Variants in PPP2R2C observed in about 807,000 individuals in gnomAD.
PPP2R2C encodes protein phosphatase 2 regulatory subunit Bgamma, also known as protein phosphatase 2, regulatory subunit B, gamma.
PPP2R2C carries 10 observed loss-of-function variants against 45.3 expected under a neutral mutation model. The ratio of observed to expected loss-of-function variants is 0.22; its 90% confidence interval spans 0.14 to 0.37. The LOEUF is 0.37. Among genes scored for constraint, PPP2R2C ranks in the 10% least tolerant of loss-of-function variants. The probability of loss-of-function intolerance (pLI) is 1.00; values close to 1 mark genes in which losing one functional copy is unlikely to be tolerated. For missense variants in PPP2R2C, 308 were observed against 619.7 expected, an observed-to-expected ratio of 0.50 and a Z score of 5.34; for synonymous variants, 257 against 245.4, an observed-to-expected ratio of 1.05 and a Z score of -0.44.
chr4:6,532,489 G>A (rs73209721), intron 2 of PPP2R2C, among the ~76,000 whole-genome samples: 203 of 152,328 alleles, frequency 1.3e-3, no homozygotes, highest in Non-Finnish European at 2.4e-3. Context: ...CAGAACTCAT[G>A]GGCAGCAGCA....
intron 1 of PPP2R2C, among the ~76,000 whole-genome samples, chr4:6,432,932 GACA>G (rs1719704728): frequency 6.6e-6 from 1 of 152,048 alleles, no homozygotes; most frequent in Admixed American, 6.5e-5. Flanking sequence ...TCAACATGAA[GACA>G]ACGAGGATAA....
At position 6,559,899 on chromosome 4, in the gene PPP2R2C, G is replaced by A. The variant is rs541681352; in HGVS notation, c.-59+3661C>T. ...GGTGTTTTGTTACGGCAGCCCCAAC[G>A]GACTAAGACAGCTCCCTTCCTGAAC... On this transcript the variant is annotated intron_variant, in intron 1 of 9. Coordinates refer to the PPP2R2C transcript ENST00000506140. 7.2e-5 allele frequency among the ~76,000 whole-genome samples: 11 copies of A among 152,324 alleles called. No individual in the cohort carries two copies. In the South Asian group the frequency reaches 1.7e-3, roughly 23 times the overall value.
intron 2 of PPP2R2C, among the ~76,000 whole-genome samples, chr4:6,496,355 T>C (rs531326465): frequency 2.0e-5 from 3 of 152,192 alleles, no homozygotes; most frequent in Non-Finnish European, 4.4e-5. Context: ...AGCCCAGGCC[T>C]CTGAGGATGG....
At chr4:6,464,916 G>A (rs557798004) in intron 1 of PPP2R2C, among the ~76,000 whole-genome samples, 2 of 134,800 alleles carry the variant, frequency 1.5e-5, no homozygotes, top group South Asian at 5.7e-4. Flanking sequence ...AGGAAGGGAG[G>A]AAGGGAGGGA....
intron 5 of PPP2R2C, among the ~76,000 whole-genome samples, chr4:6,365,855 G>A (rs372814277): frequency 1.2e-4 from 19 of 152,310 alleles, no homozygotes; most frequent in Admixed American, 5.9e-4. Flanking sequence ...CAATCGAACC[G>A]TCTTTTAAAT....
intron 1 of PPP2R2C, among the ~76,000 whole-genome samples, chr4:6,446,332 C>G (rs536915684): frequency 3.9e-5 from 6 of 152,112 alleles, no homozygotes; most frequent in Non-Finnish European, 8.8e-5. Context: ...GAGCATCGGA[C>G]GTTTTCCAGT....
intron 4 of PPP2R2C, among the ~76,000 whole-genome samples, chr4:6,373,188 C>T (rs1331349331): frequency 1.3e-5 from 2 of 152,200 alleles, no homozygotes; most frequent in Admixed American, 1.3e-4. Flanking sequence ...AGCACCTTCC[C>T]CACCTGGAAG....
At chr4:6,460,788 C>T (rs1401025437) in intron 1 of PPP2R2C, among the ~76,000 whole-genome samples, 1 of 152,120 alleles carries the variant, frequency 6.6e-6, no homozygotes, top group Non-Finnish European at 1.5e-5. Context: ...TGTAGTAAGA[C>T]AGCCAATAGA....
intron 5 of PPP2R2C, among the ~76,000 whole-genome samples, chr4:6,366,257 CA>C (rs1227166241): frequency 3.9e-5 from 6 of 152,236 alleles, no homozygotes; most frequent in Non-Finnish European, 8.8e-5. Flanking sequence ...GATGGCCCAG[CA>C]GGCTGAGCAA....
rs151054048 is a variant in PPP2R2C at position 6,454,321 on chromosome 4, G to A, written c.70+17839C>T. Among the ~76,000 whole-genome samples, 543 of 152,234 alleles carry A rather than the reference G, an allele frequency of 3.6e-3. 4 individuals are homozygous for A. The highest frequency in any genetic ancestry group is 0.012 in the African/African-American group (501 of 41,548). ...GTCCAACTGCCCTTCAACCTGGGCC[G>A]GCCTGTGACTTGCTTGAACTAAATG... On this transcript the variant is annotated intron_variant, in intron 1 of 8. Coordinates refer to ENST00000382599, the MANE Select transcript of PPP2R2C (RefSeq NM_020416.4).
At chr4:6,522,079 G>A (rs73084792) in intron 2 of PPP2R2C, among the ~76,000 whole-genome samples, 2,813 of 152,214 alleles carry the variant, frequency 0.018, 98 homozygotes, top group African/African-American at 0.064. Context: ...GCCTGTCTCT[G>A]TGAAATGCAC....
intron 2 of PPP2R2C, among the ~76,000 whole-genome samples, chr4:6,479,449 G>A (rs532629830): frequency 4.2e-5 from 6 of 141,412 alleles, no homozygotes; most frequent in East Asian, 2.3e-4. Context: ...GCCTCTGGAC[G>A]GAGAGAAAAT....
At chr4:6,515,399 T>C (rs1204786455) in intron 2 of PPP2R2C, among the ~76,000 whole-genome samples, 3 of 152,206 alleles carry the variant, frequency 2.0e-5, no homozygotes, top group Non-Finnish European at 4.4e-5. Flanking sequence ...GGAGGCAGCA[T>C]TGCAGGGCTA....
intron 1 of PPP2R2C, among the ~76,000 whole-genome samples, chr4:6,413,089 T>G (rs891955639): frequency 6.6e-6 from 1 of 151,888 alleles, no homozygotes; most frequent in Non-Finnish European, 1.5e-5. Context: ...CCCATGAAAC[T>G]TACACAGTCA....
chr4:6,508,165 A>G (rs1245957021), intron 2 of PPP2R2C, among the ~76,000 whole-genome samples: 1 of 152,238 alleles, frequency 6.6e-6, no homozygotes, highest in Non-Finnish European at 1.5e-5. Flanking sequence ...GCAGGGCAGG[A>G]GAGCCTGCCC....
rs144188998 is a variant in PPP2R2C, at chr4:6,419,351, G to A, written c.71-38257C>T. Among the ~76,000 whole-genome samples, 360 of 152,180 alleles carry A rather than the reference G, an allele frequency of 2.4e-3. 3 individuals are homozygous for A. The highest frequency in any genetic ancestry group is 8.2e-3 in the African/African-American group (342 of 41,512). On this transcript the variant is annotated intron_variant, in intron 1 of 8. Transcript: ENST00000382599. The stretch of plus-strand genomic sequence containing the variant: ...TAAGGCAGGAGAATCGCTTGAACCC[G>A]GGAGGCAGTGGTTGCAGTGAGCTGA...
rs1250661891 is a variant in PPP2R2C at position 6,324,103 on chromosome 4, A to G, written c.1053-510T>C. Among the ~76,000 whole-genome samples the G allele has an allele frequency of 6.6e-6, 1 of 152,118 alleles. No homozygotes were observed. Among genetic ancestry groups the G allele is most frequent in the Non-Finnish European group, 1.5e-5 (1 of 68,014 alleles). On this transcript the variant is annotated intron_variant, in intron 8 of 8. Transcript: ENST00000382599. The surrounding 1 kb of genome is among the most constrained non-coding windows in gnomAD (Gnocchi z 4.1). ...CATGCAGACTTTGGGGCCAGGAGCT[A>G]AGATCCTTTTTATCCTCTGCCCCAA...
intron 2 of PPP2R2C, among the ~76,000 whole-genome samples, chr4:6,533,383 CAGAGA>C (rs544312048): frequency 1.3e-5 from 2 of 152,306 alleles, no homozygotes; most frequent in South Asian, 4.1e-4. Context: ...CTTTCTCCAG[CAGAGA>C]AGAGAGTCCC....
chr4:6,526,928 C>G (rs931242917), intron 2 of PPP2R2C, among the ~76,000 whole-genome samples: 2 of 123,874 alleles, frequency 1.6e-5, no homozygotes, highest in Non-Finnish European at 3.7e-5. Context: ...CCCTGCCACC[C>G]ACCCATCCAC....
Sources: allele counts gnomAD v4.1 joint callset (sites outside exome capture counted in the v4.1 genomes callset), GRCh38; gene constraint gnomAD v4.1.1; non-coding constraint Gnocchi (gnomAD v3.1); transcripts MANE v1.5; gene names NCBI Gene and HGNC (gene_info 2026-07-23, HGNC 2026-07-21).